Variants in PLEKHA5 observed in about 807,000 individuals in gnomAD.
PLEKHA5 encodes pleckstrin homology domain-containing family A member 5.
A neutral mutation model predicts 181.9 loss-of-function variants in PLEKHA5; 55 were observed. The observed-to-expected ratio is 0.30, with a 90% CI of 0.24 to 0.38. The LOEUF is 0.38. Ranked by LOEUF, PLEKHA5 falls within the 10% of genes least tolerant of loss-of-function variation. The probability of loss-of-function intolerance (pLI) is 1.00; values close to 1 mark genes in which losing one functional copy is unlikely to be tolerated. For missense variants in PLEKHA5, 1,432 were observed against 1,549.5 expected (o/e 0.92, Z 1.27); for synonymous variants, 535 against 529.4 (o/e 1.01, Z -0.15).
At chr12:19,354,082 CTTATCAAA>C in intron 26 of PLEKHA5, 80 bp downstream of exon 26, 1 of 378,348 alleles carries the variant, frequency 2.6e-6, no homozygotes, top group Non-Finnish European at 4.8e-6. Flanking sequence ...TTTTCAGTGT[CTTATCAAA>C]ATTATTTTTG....
Position 19,359,402 on chromosome 12 carries a change from T to A in PLEKHA5, c.3349-10T>A, listed in dbSNP as rs1385547095. Reference sequence around the variant, plus strand: ...TATGAGTATAAAAATGCTATATGTCTTTTGAGCAGACTCGAAGGAGGGATG... The same window carrying A: ...TATGAGTATAAAAATGCTATATGTCATTTGAGCAGACTCGAAGGAGGGATG... On this transcript the variant is annotated splice_polypyrimidine_tract_variant and intron_variant, in intron 27 of 31. Coordinates refer to ENST00000429027, the MANE Select transcript of PLEKHA5 (RefSeq NM_001256470.2). The A allele has an allele frequency of 6.2e-7, 1 of 1,611,726 alleles. No individual in the cohort carries two copies. Among genetic ancestry groups the A allele is most frequent in the East Asian group, 2.2e-5 (1 of 44,854 alleles).
chr12:19,254,699 G>C (rs770062782), intron 4 of PLEKHA5, among the ~76,000 whole-genome samples: 40 of 152,102 alleles, frequency 2.6e-4, no homozygotes, highest in Non-Finnish European at 5.0e-4. Flanking sequence ...GGAACGTGCT[G>C]GTAGTCCCAG....
intron 5 of PLEKHA5, among the ~76,000 whole-genome samples, 159 bp from the exon 6 acceptor site, chr12:19,257,274 C>G (rs1261293300): frequency 1.3e-5 from 2 of 152,124 alleles, no homozygotes; most frequent in Non-Finnish European, 1.5e-5. Flanking sequence ...CTTCAAAAAA[C>G]TAACCCAGCA....
At chr12:19,223,781 TG>T (rs1303672823) in intron 3 of PLEKHA5, among the ~76,000 whole-genome samples, 1 of 152,108 alleles carries the variant, frequency 6.6e-6, no homozygotes, top group East Asian at 1.9e-4. Flanking sequence ...GCTCAGTTAA[TG>T]GGGTCAAGCA....
intron 3 of PLEKHA5, among the ~76,000 whole-genome samples, chr12:19,247,567 T>C (rs2064059727): frequency 6.6e-6 from 1 of 152,146 alleles, no homozygotes; most frequent in South Asian, 2.1e-4. Context: ...CATCTTAAAA[T>C]CCTTCACAAC....
At chr12:19,203,668 C>T (rs1020718551) in intron 3 of PLEKHA5, among the ~76,000 whole-genome samples, 6 of 152,068 alleles carry the variant, frequency 3.9e-5, no homozygotes, top group Non-Finnish European at 7.4e-5. Context: ...AAGCACCTGT[C>T]TTTTGCTGTA....
intron 3 of PLEKHA5, chr12:19,200,374 A>G: frequency 6.5e-7 from 1 of 1,529,594 alleles, no homozygotes; most frequent in Non-Finnish European, 8.8e-7. Flanking sequence ...ATGTAATGGA[A>G]GTTCCAGTAT....
intron 25 of PLEKHA5, among the ~76,000 whole-genome samples, chr12:19,351,939 G>A (rs1031742030): frequency 3.9e-4 from 60 of 152,000 alleles, no homozygotes; most frequent in African/African-American, 1.4e-3. Flanking sequence ...TAGGCATGGT[G>A]GCATAGTTTG....
At chr12:19,258,172 T>C (rs944982026) in intron 6 of PLEKHA5, among the ~76,000 whole-genome samples, 2 of 152,162 alleles carry the variant, frequency 1.3e-5, no homozygotes, top group African/African-American at 4.8e-5. Flanking sequence ...TGGAACCTTA[T>C]TAGTTTTGCA....
chr12:19,251,159 CT>C (rs2065162678), intron 3 of PLEKHA5, among the ~76,000 whole-genome samples: 1 of 152,038 alleles, frequency 6.6e-6, no homozygotes, highest in Non-Finnish European at 1.5e-5. Flanking sequence ...AATCCCAGCA[CT>C]TTGGGAAGCC....
At chr12:19,324,005 A>T (rs1391372995) in intron 20 of PLEKHA5, among the ~76,000 whole-genome samples, 1 of 152,152 alleles carries the variant, frequency 6.6e-6, no homozygotes, top group Non-Finnish European at 1.5e-5. Flanking sequence ...ACATAGTAAG[A>T]GCACCAGTCT....
intron 20 of PLEKHA5, among the ~76,000 whole-genome samples, chr12:19,325,980 C>T (rs1052639299): frequency 2.0e-5 from 3 of 151,940 alleles, no homozygotes; most frequent in Non-Finnish European, 2.9e-5. Flanking sequence ...GCACTCCGGC[C>T]TGGGCAACAA....
chr12:19,189,339 A>G (rs887920461), intron 3 of PLEKHA5, among the ~76,000 whole-genome samples: 1 of 152,204 alleles, frequency 6.6e-6, no homozygotes, highest in Non-Finnish European at 1.5e-5. Context: ...GAAAGATGGT[A>G]AATAGATGAA....
At chr12:19,272,123 A>G (rs1272532018) in intron 10 of PLEKHA5, among the ~76,000 whole-genome samples, 1 of 152,140 alleles carries the variant, frequency 6.6e-6, no homozygotes, top group African/African-American at 2.4e-5. Context: ...TGTTCACGAT[A>G]ATGTCATAGT....
chr12:19,164,119 C>T (rs886510533), intron 3 of PLEKHA5, among the ~76,000 whole-genome samples: 1 of 152,030 alleles, frequency 6.6e-6, no homozygotes, highest in Non-Finnish European at 1.5e-5. Flanking sequence ...GCTTAAGCCA[C>T]CCCCTTTCTG....
At chr12:19,330,953 C>T (rs1197935872) in intron 20 of PLEKHA5, among the ~76,000 whole-genome samples, 1 of 151,676 alleles carries the variant, frequency 6.6e-6, no homozygotes, top group South Asian at 2.1e-4. Context: ...CATCTATTGC[C>T]TCTCCCTCAT....
chr12:19,261,020 A>T lies in PLEKHA5; in HGVS notation c.609A>T (p.Arg203Ser). The change falls in exon 7 of 32, where the codon AGA becomes AGT. Residue 203 changes from arginine (R) to serine (S), a missense_variant and splice_region_variant. Arg to Ser is a moderately radical substitution (Grantham distance 110). Coordinates refer to ENST00000429027, the MANE Select transcript of PLEKHA5 (RefSeq NM_001256470.2). ...CTGACCTTTGCCTCTTTTATTATAG[A>T]GGTAAGTTTACCCTACTGTCTTAGT... ...VLSDLCLFYY[R>S]DEKEEGILGS... The T allele has an allele frequency of 6.4e-7, 1 of 1,571,318 alleles. No homozygotes were observed. The highest frequency in any genetic ancestry group is 1.1e-5 in the South Asian group (1 of 87,266).
intron 3 of PLEKHA5, among the ~76,000 whole-genome samples, chr12:19,250,679 T>G (rs1047293276): frequency 1.8e-4 from 28 of 152,254 alleles, no homozygotes; most frequent in African/African-American, 6.5e-4. Flanking sequence ...TAAATACTTT[T>G]TTTTATTCTC....
intron 15 of PLEKHA5, among the ~76,000 whole-genome samples, chr12:19,292,928 G>C (rs1212055710): frequency 1.3e-5 from 2 of 152,140 alleles, no homozygotes. Context: ...AACAGAGCGA[G>C]ACTCTATCTC....
Sources: allele counts gnomAD v4.1 joint callset (sites outside exome capture counted in the v4.1 genomes callset), GRCh38; gene constraint gnomAD v4.1.1; transcripts MANE v1.5; gene names NCBI Gene and HGNC (gene_info 2026-07-23, HGNC 2026-07-21).